The following TBCD variants were observed in gnomAD, a reference collection of about 807,000 sequenced individuals.
TBCD encodes tubulin folding cofactor D, also known as tubulin-specific chaperone D.
TBCD carries 105 observed loss-of-function variants against 169.3 expected under a neutral mutation model. The observed-to-expected ratio is 0.62, with a 90% CI of 0.53 to 0.73. The LOEUF (loss-of-function observed/expected upper bound fraction) is 0.73. Among genes scored for constraint, TBCD ranks in the 30% least tolerant of loss-of-function variants. The pLI, the probability that TBCD is intolerant of heterozygous loss-of-function variation, is 0.00. For missense variants in TBCD, 1,444 were observed against 1,600.1 expected (o/e 0.90, Z 1.66); for synonymous variants, 700 against 643.9 (o/e 1.09, Z -1.32).
At chr17:82,863,017 G>C (rs1411561682) in intron 13 of TBCD, among the ~76,000 whole-genome samples, 1 of 152,226 alleles carries the variant, frequency 6.6e-6, no homozygotes, top group African/African-American at 2.4e-5. Context: ...GTAGCCGTCC[G>C]CCTTTTGTGT....
chr17:82,805,732 C>T (rs2050912660), intron 9 of TBCD, 143 bp from the exon 10 acceptor site: 1 of 963,464 alleles, frequency 1.0e-6, no homozygotes. Context: ...CCTCCAGGTT[C>T]TCCCTTCTTA....
chr17:82,878,222 T>C (rs1599145106), intron 14 of TBCD, among the ~76,000 whole-genome samples: 1 of 151,790 alleles, frequency 6.6e-6, no homozygotes, highest in East Asian at 1.9e-4. Flanking sequence ...CTCTGTGAGC[T>C]CCTCAGTCTT....
intron 6 of TBCD, among the ~76,000 whole-genome samples, chr17:82,776,032 C>T (rs1338147750): frequency 6.6e-6 from 1 of 152,110 alleles, no homozygotes; most frequent in Non-Finnish European, 1.5e-5. Context: ...GCCTGGCCAA[C>T]ATGGTGAAAC....
intron 25 of TBCD, among the ~76,000 whole-genome samples, chr17:82,921,992 G>A (rs2061444422): frequency 6.6e-6 from 1 of 152,232 alleles, no homozygotes; most frequent in Non-Finnish European, 1.5e-5. Context: ...GTCATGTTGT[G>A]TGGGTGCCAG....
rs901823681 is a variant in TBCD at position 82,880,295 on chromosome 17, G to A, written c.1476-3850G>A. On this transcript the variant is annotated intron_variant, in intron 14 of 38. Coordinates refer to ENST00000355528, the MANE Select transcript of TBCD (RefSeq NM_005993.5). This position sits in a 1 kb window ranked among gnomAD's most constrained non-coding sequence, Gnocchi z 5.0. ...TCCCACAGACAGATGGAGCACAGGT[G>A]TAGCCAGGGCCGCTGGTGTGTACCA... 1.4e-4 allele frequency among the ~76,000 whole-genome samples: 21 copies of A among 152,224 alleles called. No individual in the cohort carries two copies. The highest frequency in any genetic ancestry group is 7.2e-5 in the African/African-American group (3 of 41,448).
At chr17:82,768,104 G>C (rs1426587740) in intron 4 of TBCD, among the ~76,000 whole-genome samples, 4 of 152,072 alleles carry the variant, frequency 2.6e-5, no homozygotes, top group Non-Finnish European at 5.9e-5. Flanking sequence ...TTTTTCAAAA[G>C]GCCAGTTTGT....
intron 13 of TBCD, among the ~76,000 whole-genome samples, chr17:82,860,197 C>G (rs1313490339): frequency 2.6e-5 from 4 of 152,358 alleles, no homozygotes; most frequent in Admixed American, 6.5e-5. Context: ...GTGCTTGAGC[C>G]ACTCTGTCAT....
intron 14 of TBCD, 102 bp downstream of exon 14, chr17:82,870,482 G>A: frequency 1.4e-6 from 2 of 1,422,810 alleles, no homozygotes; most frequent in South Asian, 2.8e-5. Context: ...CTCGTGAAAA[G>A]GTGAAATTAC....
chr17:82,784,943 G>T (rs2049199485), intron 7 of TBCD, among the ~76,000 whole-genome samples: 2 of 151,986 alleles, frequency 1.3e-5, no homozygotes, highest in South Asian at 2.1e-4. Context: ...GCGACAGGGG[G>T]TCCATGCTGT....
intron 13 of TBCD, among the ~76,000 whole-genome samples, chr17:82,852,638 G>A (rs922642470): frequency 4.6e-5 from 7 of 152,128 alleles, no homozygotes; most frequent in Non-Finnish European, 1.0e-4. Flanking sequence ...TTTACCTTAC[G>A]CATCTCTAAG....
chr17:82,813,817 G>A (rs1389350445), intron 12 of TBCD, among the ~76,000 whole-genome samples: 2 of 152,156 alleles, frequency 1.3e-5, no homozygotes, highest in Admixed American at 1.3e-4. Flanking sequence ...TGAGTCTGTC[G>A]GTGACAGTGA....
Position 82,900,672 on chromosome 17 carries a change from T to C in TBCD, c.1671T>C (p.Pro557=), listed in dbSNP as rs2146655311. 4 of 1,614,002 alleles carry C rather than the reference T, an allele frequency of 2.5e-6. No individual in the cohort carries two copies. Among genetic ancestry groups the C allele is most frequent in the East Asian group, 2.2e-5 (1 of 44,880 alleles). The change falls in exon 18 of 39, where the codon CCT becomes CCC. Residue 557 remains proline (P), a synonymous_variant. Transcript: ENST00000355528. The stretch of plus-strand genomic sequence containing the variant: ...CCAGTGTGTTTATTGCCGGCTTTCC[T>C]GAGTACACGCAGCCAATGATAGACC... ...LVISVFIAGF[P]EYTQPMIDHL... is the part of the protein sequence containing the mutation.
Position 82,938,056 on chromosome 17 carries a change from G to A in TBCD, c.3289G>A (p.Glu1097Lys), listed in dbSNP as rs749694857. 172 of 1,613,004 alleles carry A rather than the reference G, an allele frequency of 1.1e-4. No individual in the cohort carries two copies. The highest frequency in any genetic ancestry group is 1.4e-4 in the Non-Finnish European group (164 of 1,179,806). Reference protein sequence around the residue: ...KLLSGIAVFCEMVQFPGDVRR... With the variant: ...KLLSGIAVFCKMVQFPGDVRR... ...ATGTGCTGCTCCCGGCAGGTTCTGCGAGATGGTGCAGTTCCCCGGCGACGT... is the reference window on the plus strand; with the variant it reads ...ATGTGCTGCTCCCGGCAGGTTCTGCAAGATGGTGCAGTTCCCCGGCGACGT... The change falls in exon 36 of 39, where the codon GAG becomes AAG. Residue 1097 changes from glutamate to lysine, a missense_variant. By Grantham distance (56) the Glu-to-Lys change is moderately conservative. Coordinates refer to ENST00000355528, the MANE Select transcript of TBCD (RefSeq NM_005993.5).
chr17:82,794,034 C>T, intron 7 of TBCD, among the ~76,000 whole-genome samples: 1 of 152,208 alleles, frequency 6.6e-6, no homozygotes, highest in Admixed American at 6.5e-5. Context: ...GGCCGGCACT[C>T]ACAGCTTCTC....
chr17:82,797,650 A>T, intron 7 of TBCD, 107 bp from the exon 8 acceptor site: 1 of 840,952 alleles, frequency 1.2e-6, no homozygotes, highest in Non-Finnish European at 1.8e-6. Flanking sequence ...GTGAGTGTTT[A>T]GAATAAAAAT....
At chr17:82,779,160 C>T (rs918223262) in intron 6 of TBCD, among the ~76,000 whole-genome samples, 10 of 151,796 alleles carry the variant, frequency 6.6e-5, no homozygotes, top group South Asian at 2.1e-4. Flanking sequence ...TACAGGAATG[C>T]GCCACCATGC....
chr17:82,896,103 C>G (rs992568980), intron 17 of TBCD: 5 of 152,342 alleles, frequency 3.3e-5, no homozygotes, highest in Admixed American at 6.5e-5. Flanking sequence ...TCCCACACCC[C>G]CTTCTTCAGG....
At chr17:82,917,083 A>G (rs1420871188) in intron 23 of TBCD, among the ~76,000 whole-genome samples, 1 of 133,380 alleles carries the variant, frequency 7.5e-6, no homozygotes, top group African/African-American at 2.8e-5. Flanking sequence ...GCGGTGGCAC[A>G]ATCTCAGCTC....
Position 82,920,102 on chromosome 17 carries a change from G to A in TBCD, c.2039-454G>A, listed in dbSNP as rs977869524. Among the ~76,000 whole-genome samples the A allele has an allele frequency of 2.6e-5, 4 of 152,198 alleles. No homozygotes were observed. Among genetic ancestry groups the A allele is most frequent in the African/African-American group, 4.8e-5 (2 of 41,454 alleles). On this transcript the variant is annotated intron_variant, in intron 23 of 38. Coordinates refer to ENST00000355528, the MANE Select transcript of TBCD (RefSeq NM_005993.5). This position sits in a 1 kb window ranked among gnomAD's most constrained non-coding sequence, Gnocchi z 4.1. Reference sequence around the variant, plus strand: ...AGGGCCACGTTTCTGGTCATGGAGAGTGTGAGTGACGAGCTATGTGGGGAA... The same window carrying A: ...AGGGCCACGTTTCTGGTCATGGAGAATGTGAGTGACGAGCTATGTGGGGAA...
Sources: gnomAD v4.1 joint callset for allele counts (sites outside exome capture counted in the v4.1 genomes callset) on GRCh38, gnomAD v4.1.1 for gene constraint, Gnocchi (gnomAD v3.1) non-coding constraint, MANE v1.5 for transcripts, NCBI Gene and HGNC (gene_info 2026-07-23, HGNC 2026-07-21) for gene names.